Variants in IL34 observed in about 807,000 individuals in gnomAD.
The protein encoded by IL34 is interleukin-34.
Under a neutral mutation model 25.3 loss-of-function variants are expected in IL34, and 17 were observed. The ratio of observed to expected loss-of-function variants is 0.67; its 90% CI spans 0.46 to 1.01. The LOEUF is 1.01. Among genes scored for constraint, IL34 ranks in the 50% least tolerant of loss-of-function variants. IL34 has a pLI of 0.00. For missense variants in IL34, 368 were observed against 312.9 expected (o/e 1.18, Z -1.33); for synonymous variants, 174 against 140.9 (o/e 1.23, Z -1.66).
intron 1 of IL34, among the ~76,000 whole-genome samples, chr16:70,613,811 T>A (rs1217640211): frequency 2.0e-5 from 3 of 147,234 alleles, no homozygotes; most frequent in Non-Finnish European, 3.0e-5. Flanking sequence ...GAGGTGGAGG[T>A]TGCAGTGAGC....
At chr16:70,625,432 A>G (rs1361500017) in intron 1 of IL34, among the ~76,000 whole-genome samples, 1 of 152,040 alleles carries the variant, frequency 6.6e-6, no homozygotes, top group South Asian at 2.1e-4. Context: ...GAAAAGCGGG[A>G]CTTGCCGCTA....
intron 1 of IL34, among the ~76,000 whole-genome samples, chr16:70,640,641 A>AT (rs900954047): frequency 6.6e-6 from 1 of 151,438 alleles, no homozygotes; most frequent in Non-Finnish European, 1.5e-5. Context: ...AAAAAAAAAA[A>AT]AGTTAGTTTT....
upstream of IL34, among the ~76,000 whole-genome samples, chr16:70,645,058 AGAAG>A (rs1254856005): frequency 4.0e-4 from 58 of 145,332 alleles, no homozygotes; most frequent in South Asian, 1.2e-3. Flanking sequence ...AAGGAGGAAG[AGAAG>A]GAAGGAGAAA....
At chr16:70,599,568 A>C (rs537815704) in intron 1 of IL34, among the ~76,000 whole-genome samples, 82 of 147,624 alleles carry the variant, frequency 5.6e-4, no homozygotes, top group Middle Eastern at 3.5e-3. Flanking sequence ...GGGTTTCGCC[A>C]TGTTGGCCAG....
chr16:70,632,735 AAGGGAG>A (rs2051547751), intron 1 of IL34, among the ~76,000 whole-genome samples: 1 of 152,100 alleles, frequency 6.6e-6, no homozygotes, highest in Admixed American at 6.6e-5. Context: ...GATGAGCAAG[AAGGGAG>A]AGCTATGGGG....
At chr16:70,631,324 G>C (rs1366611931) in intron 1 of IL34, among the ~76,000 whole-genome samples, 1 of 152,046 alleles carries the variant, frequency 6.6e-6, no homozygotes, top group East Asian at 1.9e-4. Context: ...GTAAATTATT[G>C]GTTTGATTCT....
At chr16:70,594,630 G>T (rs1335886321) in intron 1 of IL34, among the ~76,000 whole-genome samples, 1 of 152,112 alleles carries the variant, frequency 6.6e-6, no homozygotes, top group African/African-American at 2.4e-5. Flanking sequence ...TGCCTGGCAG[G>T]TCTTATTATC....
upstream of IL34, among the ~76,000 whole-genome samples, chr16:70,644,781 G>GAGGAAAAGGAGGAGGGAGGAGGA (rs1346356458): frequency 1.4e-5 from 2 of 140,120 alleles, no homozygotes; most frequent in African/African-American, 2.8e-5. Flanking sequence ...AGGGAGGAGG[G>GAGGAAAAGGAGGAGGGAGGAGGA]AGGAAAAGGA....
At chr16:70,647,343 G>A (rs1465440984) in intron 1 of IL34, among the ~76,000 whole-genome samples, 6 of 152,328 alleles carry the variant, frequency 3.9e-5, no homozygotes, top group Admixed American at 2.0e-4. Context: ...AGGGGGGCAG[G>A]GGCTGGTGAA....
Position 70,624,999 on chromosome 16 carries a change from C to T in IL34, c.-400-21549C>T, listed in dbSNP as rs2051360364. Among the ~76,000 whole-genome samples the T allele has an allele frequency of 2.0e-5, 3 of 152,044 alleles. 1 individual carries two copies. ...ACTGATGTGTAAAAGAATGCCTGGA[C>T]ATCAGGCACCTCAGACCATTTGTCT... is the stretch of plus-strand genomic sequence containing the variant. On this transcript the variant is annotated intron_variant, in intron 1 of 6. Coordinates refer to the IL34 transcript ENST00000429149.
rs550136950 is a variant in IL34, at chr16:70,612,776, A to T, written c.-401+32727A>T. ...CCCACCCCCATTTCTGCTTCTCCCAATTAGAACACATGTTTTTTGTTTGTT... is the reference window on the plus strand; with the variant it reads ...CCCACCCCCATTTCTGCTTCTCCCATTTAGAACACATGTTTTTTGTTTGTT... On this transcript the variant is annotated intron_variant, in intron 1 of 6. Coordinates refer to the IL34 transcript ENST00000429149. Among the ~76,000 whole-genome samples, 24 of 152,196 alleles carry T rather than the reference A, an allele frequency of 1.6e-4. No individual in the cohort carries two copies. In the South Asian group the frequency reaches 4.1e-3, roughly 26 times the overall value.
chr16:70,651,297 T>G (rs915081243), intron 1 of IL34, among the ~76,000 whole-genome samples: 3 of 151,330 alleles, frequency 2.0e-5, no homozygotes, highest in Non-Finnish European at 2.9e-5. Context: ...CCTGCAAGAG[T>G]AGATGCTAAG....
rs930570931 is a variant in IL34 at position 70,659,469 on chromosome 16, G to C, written c.403-149G>C. ...TCCCCATGCCCACAGGAAGAAGATG[G>C]TGAGAAATAGCTATCCAGGCTCATG... On this transcript the variant is annotated intron_variant, in intron 4 of 5. Coordinates refer to ENST00000288098, the MANE Select transcript of IL34 (RefSeq NM_001393494.1). 8.0e-6 allele frequency: 8 copies of C among 1,004,366 alleles called. No individual in the cohort carries two copies. The Middle Eastern group carries it at 1.7e-3, about 211-fold the overall frequency. The allele number at this position is 1,004,366 out of a possible 1,614,324, so 62.2% of individuals were successfully genotyped here. A position where few individuals can be genotyped will look rare whatever the true frequency, so the allele number is the denominator to read the frequency against.
chr16:70,602,582 G>GTGTGTGT, intron 1 of IL34, among the ~76,000 whole-genome samples: 1 of 92,974 alleles, frequency 1.1e-5, no homozygotes, highest in East Asian at 4.7e-4. Flanking sequence ...CTTTGGAATT[G>GTGTGTGT]ATGTGTGTGT....
chr16:70,627,077 C>G (rs941055680), intron 1 of IL34, among the ~76,000 whole-genome samples: 3 of 152,126 alleles, frequency 2.0e-5, no homozygotes, highest in African/African-American at 7.2e-5. Flanking sequence ...ATCCTTCCAC[C>G]TCAGCCTCCC....
At chr16:70,581,756 C>T (rs1567432886) in intron 1 of IL34, among the ~76,000 whole-genome samples, 2 of 152,032 alleles carry the variant, frequency 1.3e-5, no homozygotes, top group African/African-American at 2.4e-5. Context: ...TTCATTGTGC[C>T]TCAGTTAGTT....
chr16:70,660,476 G>T lies in IL34; in HGVS notation c.*289G>T. The T allele has an allele frequency of 2.9e-6, 1 of 339,822 alleles. No individual in the cohort carries two copies. The highest frequency in any genetic ancestry group is 5.3e-6 in the Non-Finnish European group (1 of 187,714). The allele number at this position is 339,822 out of a possible 1,614,324, so 21.1% of individuals were successfully genotyped here. ...TGCCCTCACTGTCCCCCCGCCTAAA[G>T]GGGGTACTGAGCCTCCTGTGGCCCG... On this transcript the variant is annotated 3_prime_UTR_variant, in exon 6 of 6. Transcript: ENST00000288098.
At chr16:70,584,822 T>G (rs1465793279) in intron 1 of IL34, among the ~76,000 whole-genome samples, 1 of 152,074 alleles carries the variant, frequency 6.6e-6, no homozygotes, top group Non-Finnish European at 1.5e-5. Flanking sequence ...TGCCTCAGCC[T>G]CTGGAGTGGC....
intron 1 of IL34, among the ~76,000 whole-genome samples, chr16:70,610,464 A>C (rs2051074473): frequency 6.6e-6 from 1 of 152,166 alleles, no homozygotes; most frequent in Non-Finnish European, 1.5e-5. Flanking sequence ...GAAGTTATAG[A>C]GTTTCCTATG....
Sources: allele counts gnomAD v4.1 joint callset (sites outside exome capture counted in the v4.1 genomes callset), GRCh38; gene constraint gnomAD v4.1.1; transcripts MANE v1.5; gene names NCBI Gene and HGNC (gene_info 2026-07-23, HGNC 2026-07-21).